NBPF20: variants seen among roughly 807,000 people sequenced by gnomAD.
NBPF20 encodes the protein NBPF family member NBPF20.
In NBPF20, 90 loss-of-function variants were observed where a neutral mutation model predicts 68.1. The observed-to-expected ratio is 1.32, with a 90% confidence interval of 1.11 to 1.58. The LOEUF (loss-of-function observed/expected upper bound fraction) is 1.58. Ranked by LOEUF, NBPF20 falls within the 40% of genes most tolerant of loss-of-function variation. NBPF20 has a pLI of 0.00. For missense variants in NBPF20, 816 were observed against 601.2 expected, an observed-to-expected ratio of 1.36 and a Z score of -3.74; for synonymous variants, 290 against 228.1, an observed-to-expected ratio of 1.27 and a Z score of -2.45.
chr1:145,424,669 C>G, the NBPF20 span, among the ~76,000 whole-genome samples: 1 of 152,276 alleles, frequency 6.6e-6, no homozygotes, highest in South Asian at 2.1e-4. Flanking sequence ...GTTAACTCTT[C>G]GGAGAAAGGA....
the NBPF20 span, among the ~76,000 whole-genome samples, chr1:145,417,292 T>C: frequency 6.6e-6 from 1 of 151,394 alleles, no homozygotes; most frequent in Non-Finnish European, 1.5e-5. Flanking sequence ...AATCCAGGTA[T>C]GCATGTTATA....
At chr1:145,298,357 G>A (rs1414562750) in intron 129 of NBPF20, among the ~76,000 whole-genome samples, 5 of 132,700 alleles carry the variant, frequency 3.8e-5, no homozygotes, top group African/African-American at 9.7e-5. Context: ...CACACACACA[G>A]ACACACACAC....
At chr1:145,393,195 T>C (rs1480696865) in exon 10 of NBPF20, 1 of 610,666 alleles carries the variant, frequency 1.6e-6, no homozygotes, top group Non-Finnish European at 2.9e-6. Context: ...ATCTATCCAG[T>C]GAGTCCTGCA....
At chr1:145,419,345 T>C in the NBPF20 span, among the ~76,000 whole-genome samples, 5 of 152,188 alleles carry the variant, frequency 3.3e-5, no homozygotes, top group African/African-American at 4.8e-5. Context: ...TAACTAGTTA[T>C]TGGAGACAGA....
At chr1:145,393,710 A>C (rs1346369569) in intron 9 of NBPF20, 174 bp downstream of exon 14, 18 of 1,482,992 alleles carry the variant, frequency 1.2e-5, no homozygotes, top group Non-Finnish European at 1.7e-5. Flanking sequence ...AAGGGTAGGA[A>C]GAAATGGAAA....
At chr1:145,311,969 G>T (rs1212976085) in intron 112 of NBPF20, among the ~76,000 whole-genome samples, 2 of 92,174 alleles carry the variant, frequency 2.2e-5, no homozygotes, top group Non-Finnish European at 4.1e-5. Context: ...CCAACGTCAT[G>T]AGAGTAGGAT....
chr1:145,399,767 A>G (rs1405882766), intron 6 of NBPF20, among the ~76,000 whole-genome samples: 1 of 112,442 alleles, frequency 8.9e-6, no homozygotes, highest in East Asian at 2.6e-4. Flanking sequence ...ACAGAGCAAG[A>G]CTCCATCACA....
At chr1:145,421,357 T>G in the NBPF20 span, among the ~76,000 whole-genome samples, 1 of 152,052 alleles carries the variant, frequency 6.6e-6, no homozygotes, top group Non-Finnish European at 1.5e-5. Flanking sequence ...AGCCCCAAAA[T>G]CTTAGCAGCA....
At chr1:145,410,973 A>C in the NBPF20 span, among the ~76,000 whole-genome samples, 4 of 142,666 alleles carry the variant, frequency 2.8e-5, no homozygotes, top group African/African-American at 1.0e-4. Flanking sequence ...GTGAGTATCT[A>C]TTTCTGGATT....
intron 115 of NBPF20, among the ~76,000 whole-genome samples, chr1:145,309,479 CAG>C (rs1462877446): frequency 6.8e-5 from 5 of 73,886 alleles, no homozygotes; most frequent in Admixed American, 2.8e-4. Context: ...CACACACACA[CAG>C]ACACACACAC....
intron 8 of NBPF20, 50 bp downstream of exon 13, chr1:145,394,928 T>G (rs1662150127): frequency 2.5e-6 from 4 of 1,610,704 alleles, no homozygotes; most frequent in African/African-American, 2.7e-5. Flanking sequence ...TTATGGGGTC[T>G]ACCTGGGCCA....
At chr1:145,408,592 C>T (rs1571384048), upstream of NBPF20, among the ~76,000 whole-genome samples, 1 of 151,766 alleles carries the variant, frequency 6.6e-6, no homozygotes, top group East Asian at 1.9e-4. Flanking sequence ...GACCGACTTG[C>T]TTATTCTAGG....
intron 9 of NBPF20, 192 bp downstream of exon 14, chr1:145,393,692 T>A: frequency 7.0e-7 from 1 of 1,437,600 alleles, no homozygotes; most frequent in Non-Finnish European, 9.4e-7. Context: ...ACTAGGTTAG[T>A]AAATGATAAG....
the NBPF20 span, among the ~76,000 whole-genome samples, chr1:145,421,067 T>C: frequency 7.0e-6 from 1 of 142,150 alleles, no homozygotes; most frequent in Non-Finnish European, 1.5e-5. Flanking sequence ...AATTAGAGGT[T>C]AGTGAGCTAT....
In NBPF20 at chr1:145,291,728, A is replaced by T. The variant is rs1553657730; in HGVS notation, c.16739T>A (p.Leu5580Ter). The change falls in exon 138 of 138, where the codon TTA becomes TAA. Residue 5580 changes from leucine (L) to a stop codon, truncating the protein, a stop_gained. Coordinates refer to ENST00000369373, the Ensembl canonical transcript of NBPF20. LOFTEE classifies it high-confidence loss of function. Reference sequence around the variant, plus strand: ...ATAACATCCATCCAGTGAGTCCTGTAAGACTTCAGGCTCTTCCACTTCCAT... The same window carrying T: ...ATAACATCCATCCAGTGAGTCCTGTTAGACTTCAGGCTCTTCCACTTCCAT... 1.2e-6 allele frequency: 2 copies of T among 1,611,972 alleles called. No individual in the cohort carries two copies. The highest frequency in any genetic ancestry group is 1.7e-6 in the Non-Finnish European group (2 of 1,179,864).
the NBPF20 span, among the ~76,000 whole-genome samples, chr1:145,412,171 G>A: frequency 1.3e-5 from 2 of 151,396 alleles, no homozygotes; most frequent in South Asian, 4.2e-4. Context: ...TATCTCCCCT[G>A]TAGGTTGAAA....
chr1:145,396,756 A>G (rs201423222), intron 7 of NBPF20, among the ~76,000 whole-genome samples: 7 of 36,928 alleles, frequency 1.9e-4, no homozygotes, highest in African/African-American at 8.9e-4. Context: ...GTGTGTATGT[A>G]TATATATATA....
intron 9 of NBPF20, among the ~76,000 whole-genome samples, chr1:145,393,468 C>T (rs1183510548): frequency 5.6e-5 from 8 of 144,092 alleles, no homozygotes; most frequent in African/African-American, 1.7e-4. Flanking sequence ...AACACACACA[C>T]ACACACACAC....
At chr1:145,411,164 G>A in the NBPF20 span, among the ~76,000 whole-genome samples, 2 of 144,920 alleles carry the variant, frequency 1.4e-5, no homozygotes, top group Non-Finnish European at 3.0e-5. Context: ...GGTAGAATCA[G>A]CTTGTAAATT....
Sources: gnomAD v4.1 joint callset for allele counts (sites outside exome capture counted in the v4.1 genomes callset) on GRCh38, gnomAD v4.1.1 for gene constraint, MANE v1.5 for transcripts, NCBI Gene and HGNC (gene_info 2026-07-23, HGNC 2026-07-21) for gene names.